NLGN1: variants seen among roughly 807,000 people sequenced by gnomAD.
The protein encoded by NLGN1 is neuroligin 1.
Under a neutral mutation model 65.5 loss-of-function variants are expected in NLGN1, and 12 were observed. The observed-to-expected ratio is 0.18, with a 90% CI of 0.12 to 0.30. The LOEUF is 0.30. NLGN1 is among the 10% of genes least tolerant of loss of function. The pLI is 1.00. For missense variants in NLGN1, 750 were observed against 1,007.1 expected (o/e 0.74, Z 3.46); for synonymous variants, 350 against 359.5 (o/e 0.97, Z 0.30).
In NLGN1 at chr3:174,280,924, A is replaced by G. The variant is rs1205542194; in HGVS notation, c.2093A>G (p.Tyr698Cys). 8 of 1,613,236 alleles carry G rather than the reference A, an allele frequency of 5.0e-6. No individual in the cohort carries two copies. Among genetic ancestry groups the G allele is most frequent in the South Asian group, 1.1e-5 (1 of 91,074 alleles). ...AACATCTTGGCCTTTGCAGCCCTGT[A>G]CTACAAAAAGGATAAGAGGAGACAT... is the stretch of plus-strand genomic sequence containing the variant. The change falls in exon 7 of 7, where the codon TAC becomes TGC. Residue 698 changes from tyrosine to cysteine, a missense_variant. Physicochemically the swap from Tyr to Cys is radical, Grantham distance 194. Coordinates refer to ENST00000457714, the Ensembl canonical transcript of NLGN1. The surrounding 1 kb of genome is among the most constrained non-coding windows in gnomAD (Gnocchi z 4.9).
At chr3:173,674,432 C>CA (rs547232361) in intron 3 of NLGN1, among the ~76,000 whole-genome samples, 17 of 148,988 alleles carry the variant, frequency 1.1e-4, no homozygotes, top group African/African-American at 2.0e-4. Flanking sequence ...ATAGCTTGTC[C>CA]AAAAAAAAAA....
intron 4 of NLGN1, among the ~76,000 whole-genome samples, chr3:174,026,525 C>T (rs1158588310): frequency 1.3e-5 from 2 of 151,996 alleles, no homozygotes; most frequent in Non-Finnish European, 2.9e-5. Context: ...ATGAGAAATA[C>T]AGCACAAACA....
At chr3:173,619,812 C>T (rs1309759352) in intron 3 of NLGN1, among the ~76,000 whole-genome samples, 2 of 152,060 alleles carry the variant, frequency 1.3e-5, no homozygotes, top group African/African-American at 2.4e-5. Context: ...GAATGCTACC[C>T]AAGGCAGGGA....
At chr3:173,800,767 A>C (rs1318762565) in intron 3 of NLGN1, among the ~76,000 whole-genome samples, 7 of 151,916 alleles carry the variant, frequency 4.6e-5, no homozygotes, top group Non-Finnish European at 1.0e-4. Flanking sequence ...TCATTTTTAC[A>C]TTCGACATTT....
intron 3 of NLGN1, among the ~76,000 whole-genome samples, chr3:173,619,382 G>C (rs35530007): frequency 6.6e-6 from 1 of 152,062 alleles, no homozygotes; most frequent in Non-Finnish European, 1.5e-5. Flanking sequence ...TTCATTATCT[G>C]ATCAAACAAT....
At chr3:174,196,901 C>T (rs1405352602) in intron 4 of NLGN1, among the ~76,000 whole-genome samples, 1 of 152,106 alleles carries the variant, frequency 6.6e-6, no homozygotes, top group Non-Finnish European at 1.5e-5. Context: ...TTATTATCCC[C>T]AATAGTAACA....
intron 2 of NLGN1, among the ~76,000 whole-genome samples, chr3:173,478,624 A>G (rs149753061): frequency 1.3e-5 from 2 of 152,350 alleles, no homozygotes; most frequent in African/African-American, 4.8e-5. Context: ...AAACAAGGAC[A>G]AAATGTGAAA....
At chr3:174,121,604 C>T (rs936660904) in intron 4 of NLGN1, among the ~76,000 whole-genome samples, 1 of 152,128 alleles carries the variant, frequency 6.6e-6, no homozygotes, top group African/African-American at 2.4e-5. Flanking sequence ...ATATTTGCTC[C>T]ATAGCTATGG....
intron 3 of NLGN1, among the ~76,000 whole-genome samples, chr3:173,629,054 T>C (rs1461959456): frequency 6.6e-6 from 1 of 152,098 alleles, no homozygotes. Context: ...ATAAATAGTA[T>C]TACTGTAAAA....
intron 4 of NLGN1, among the ~76,000 whole-genome samples, chr3:174,174,342 G>A (rs1729066721): frequency 1.3e-5 from 2 of 152,036 alleles, no homozygotes; most frequent in Non-Finnish European, 2.9e-5. Flanking sequence ...ATACCCAGTA[G>A]TGGGATTGCT....
At chr3:173,432,292 A>G (rs921272081) in intron 1 of NLGN1, among the ~76,000 whole-genome samples, 10 of 152,358 alleles carry the variant, frequency 6.6e-5, no homozygotes, top group African/African-American at 1.9e-4. Flanking sequence ...TACTTCTGTA[A>G]GAAATTACAA....
At chr3:173,994,465 C>CAAAAAAAAA (rs1170577220) in intron 4 of NLGN1, among the ~76,000 whole-genome samples, 1 of 32,916 alleles carries the variant, frequency 3.0e-5, no homozygotes, top group Non-Finnish European at 5.4e-5. Flanking sequence ...TTGAGAAAAG[C>CAAAAAAAAA]AAAAAAAAAA....
chr3:173,561,648 A>C (rs1742751933), intron 2 of NLGN1, among the ~76,000 whole-genome samples: 1 of 152,222 alleles, frequency 6.6e-6, no homozygotes, highest in Admixed American at 6.5e-5. Flanking sequence ...TATTAGTTAA[A>C]GACTTTTCTG....
chr3:174,197,958 C>A (rs1315949705), intron 4 of NLGN1, among the ~76,000 whole-genome samples: 2 of 151,884 alleles, frequency 1.3e-5, no homozygotes, highest in African/African-American at 4.8e-5. Context: ...TTTTGTCTTT[C>A]TACAAGTAGT....
chr3:173,572,856 C>A (rs1431645272), intron 2 of NLGN1, among the ~76,000 whole-genome samples: 1 of 152,184 alleles, frequency 6.6e-6, no homozygotes, highest in Non-Finnish European at 1.5e-5. Flanking sequence ...AGTTCAGCTT[C>A]ACCCAGGGAG....
At chr3:174,016,387 G>T (rs80134369) in intron 4 of NLGN1, among the ~76,000 whole-genome samples, 3,415 of 152,216 alleles carry the variant, frequency 0.022, 109 homozygotes, top group African/African-American at 0.073. Flanking sequence ...GTTCCCTATG[G>T]AGTCATGGCT....
At chr3:173,587,097 A>T (rs967460895) in intron 2 of NLGN1, among the ~76,000 whole-genome samples, 3 of 152,200 alleles carry the variant, frequency 2.0e-5, no homozygotes, top group African/African-American at 4.8e-5. Flanking sequence ...TTTAAAATTG[A>T]TTTGCATATT....
intron 4 of NLGN1, among the ~76,000 whole-genome samples, chr3:173,958,182 C>T (rs1473727993): frequency 2.0e-5 from 3 of 152,200 alleles, no homozygotes; most frequent in Non-Finnish European, 4.4e-5. Context: ...CGCAACATAG[C>T]GAGCAAGGGG....
Position 174,279,711 on chromosome 3 carries a change from T to C in NLGN1, c.1649+61T>C, listed in dbSNP as rs1751237504. The stretch of plus-strand genomic sequence containing the variant: ...AAATGTTATTTTAACCATTTTAAAA[T>C]AATAGATATTTATGCCCAGATAATG... On this transcript the variant is annotated intron_variant, in intron 6 of 6. Transcript: ENST00000457714. The surrounding 1 kb of genome is among the most constrained non-coding windows in gnomAD (Gnocchi z 4.7). 3.0e-6 allele frequency: 3 copies of C among 1,003,858 alleles called. No homozygotes were observed. Among genetic ancestry groups the C allele is most frequent in the Non-Finnish European group, 4.4e-6 (3 of 682,334 alleles). The allele number at this position is 1,003,858 out of a possible 1,614,324, so 62.2% of individuals were successfully genotyped here.
Sources: gnomAD v4.1 joint callset for allele counts (sites outside exome capture counted in the v4.1 genomes callset) on GRCh38, gnomAD v4.1.1 for gene constraint, Gnocchi (gnomAD v3.1) non-coding constraint, MANE v1.5 for transcripts, NCBI Gene and HGNC (gene_info 2026-07-23, HGNC 2026-07-21) for gene names.